Variants in PARD3 observed in about 807,000 individuals in gnomAD.
PARD3 encodes the protein par-3 family cell polarity regulator, also known as partitioning defective 3 homolog.
In PARD3, 75 loss-of-function variants were observed where a neutral mutation model predicts 155.4. The ratio of observed to expected loss-of-function variants is 0.48; its 90% confidence interval spans 0.40 to 0.58. The LOEUF (loss-of-function observed/expected upper bound fraction) is 0.58. PARD3 is among the 20% of genes least tolerant of loss of function. The pLI is 0.00. For synonymous variants in PARD3, 576 were observed against 610.5 expected (o/e 0.94, Z 0.83); for missense variants, 1,642 against 1,721.7 (o/e 0.95, Z 0.82).
intron 2 of PARD3, among the ~76,000 whole-genome samples, chr10:34,593,263 T>C (rs929811611): frequency 1.3e-5 from 2 of 152,160 alleles, no homozygotes; most frequent in African/African-American, 4.8e-5. Flanking sequence ...AAATAAAACA[T>C]TAGAACTAAA....
At chr10:34,272,563 C>T (rs2133870318) in intron 21 of PARD3, among the ~76,000 whole-genome samples, 1 of 152,192 alleles carries the variant, frequency 6.6e-6, no homozygotes. Flanking sequence ...AACCCTGTCT[C>T]TACAAAAAAT....
intron 22 of PARD3, among the ~76,000 whole-genome samples, chr10:34,250,157 A>AC (rs1564518616): frequency 6.7e-6 from 1 of 148,824 alleles, no homozygotes; most frequent in African/African-American, 2.6e-5. Context: ...CTCCCCCTCC[A>AC]CACACACACA....
intron 1 of PARD3, among the ~76,000 whole-genome samples, chr10:34,742,099 G>C (rs2095029411): frequency 6.6e-6 from 1 of 152,166 alleles, no homozygotes; most frequent in South Asian, 2.1e-4. Context: ...AACCTTGGGA[G>C]GATGAAAATT....
Position 34,726,291 on chromosome 10 carries a change from AAC to A in PARD3, c.121-29874_121-29873del, listed in dbSNP as rs567405871. ...ATGATGAAACTGTGTCTCTATTAAA[AAC>A]ACAAAAAATTAGCCGGGCACAGTGG... On this transcript the variant is annotated intron_variant, in intron 1 of 24. Transcript: ENST00000374788. Among the ~76,000 whole-genome samples, 1,128 of 152,302 alleles carry A rather than the reference AAC, an allele frequency of 7.4e-3. 9 individuals are homozygous for A. The highest frequency in any genetic ancestry group is 0.012 in the Non-Finnish European group (812 of 68,026).
intron 2 of PARD3, among the ~76,000 whole-genome samples, chr10:34,634,753 G>A (rs554230256): frequency 6.6e-6 from 1 of 152,282 alleles, no homozygotes. Context: ...AATGTATTAC[G>A]GGCAGAATGA....
intron 4 of PARD3, among the ~76,000 whole-genome samples, chr10:34,466,113 T>TA: frequency 6.6e-6 from 1 of 152,222 alleles, no homozygotes; most frequent in Non-Finnish European, 1.5e-5. Flanking sequence ...TTGGAAAAGG[T>TA]AGTCAGCCAC....
At chr10:34,639,557 T>C (rs2092601130) in intron 2 of PARD3, among the ~76,000 whole-genome samples, 1 of 152,048 alleles carries the variant, frequency 6.6e-6, no homozygotes, top group East Asian at 1.9e-4. Flanking sequence ...TCTTATTAAA[T>C]TACAAAACAC....
At chr10:34,155,049 AGAG>A (rs1292078303) in intron 22 of PARD3, among the ~76,000 whole-genome samples, 1 of 152,216 alleles carries the variant, frequency 6.6e-6, no homozygotes, top group African/African-American at 2.4e-5. Context: ...GGGGAAAATA[AGAG>A]GAGGGAGTGA....
At chr10:34,621,598 T>C (rs1044932503) in intron 2 of PARD3, among the ~76,000 whole-genome samples, 4 of 152,168 alleles carry the variant, frequency 2.6e-5, no homozygotes, top group Non-Finnish European at 5.9e-5. Flanking sequence ...CCCCACAGTT[T>C]ACTGCACAAA....
chr10:34,815,045 G>A lies in PARD3; in HGVS notation c.-50C>T, dbSNP rs1367807386. 7.7e-7 allele frequency: 1 copy of A among 1,302,494 alleles called. No individual in the cohort carries two copies. Among genetic ancestry groups the A allele is most frequent in the Non-Finnish European group, 9.8e-7 (1 of 1,017,652 alleles). The allele number at this position is 1,302,494 out of a possible 1,614,324, so 80.7% of individuals were successfully genotyped here. On this transcript the variant is annotated 5_prime_UTR_variant, in exon 1 of 25. Transcript: ENST00000374788. ...GCGCCCCTCGCCGAGCGCAGCCGGA[G>A]CAGCCGAGGCCGGGACCGAGGACGC...
At chr10:34,297,397 A>C (rs1956957320) in intron 20 of PARD3, among the ~76,000 whole-genome samples, 2 of 152,232 alleles carry the variant, frequency 1.3e-5, no homozygotes, top group Non-Finnish European at 2.9e-5. Flanking sequence ...ATTAAATTAT[A>C]ATAAAACTAC....
At chr10:34,221,363 CTT>C (rs1952277554) in intron 22 of PARD3, among the ~76,000 whole-genome samples, 2 of 141,266 alleles carry the variant, frequency 1.4e-5, no homozygotes, top group Non-Finnish European at 3.1e-5. Context: ...GGAGGCCACT[CTT>C]TTCCATTCAA....
At chr10:34,610,207 G>A (rs1020435140) in intron 2 of PARD3, among the ~76,000 whole-genome samples, 1 of 152,136 alleles carries the variant, frequency 6.6e-6, no homozygotes, top group Non-Finnish European at 1.5e-5. Flanking sequence ...CAAGAAGGAT[G>A]AGAGTCATTA....
At chr10:34,794,039 T>C (rs1185365638) in intron 1 of PARD3, among the ~76,000 whole-genome samples, 4 of 151,892 alleles carry the variant, frequency 2.6e-5, no homozygotes, top group Non-Finnish European at 4.4e-5. Context: ...ACTCAACATA[T>C]GGTTGAATTA....
intron 16 of PARD3, among the ~76,000 whole-genome samples, chr10:34,339,721 G>A (rs2002773): frequency 0.54 from 82,532 of 151,970 alleles, 23,496 homozygotes; most frequent in African/African-American, 0.72. Flanking sequence ...TGAACTACAT[G>A]TACAATTTAA....
intron 1 of PARD3, among the ~76,000 whole-genome samples, chr10:34,745,822 C>A (rs1400823848): frequency 6.6e-6 from 1 of 151,934 alleles, no homozygotes; most frequent in Admixed American, 6.6e-5. Context: ...AAGAAACGGC[C>A]AGGCGCGGTG....
intron 2 of PARD3, among the ~76,000 whole-genome samples, chr10:34,565,628 T>C (rs1301883469): frequency 3.3e-5 from 5 of 152,172 alleles, no homozygotes; most frequent in African/African-American, 7.2e-5. Context: ...TTCCTGGTTC[T>C]TAAAATCCTC....
At position 34,374,927 on chromosome 10, in the gene PARD3, T is replaced by A. The variant is rs757414749; in HGVS notation, c.1615A>T (p.Thr539Ser). The A allele has an allele frequency of 1.2e-6, 2 of 1,613,718 alleles. No individual in the cohort carries two copies. The highest frequency in any genetic ancestry group is 1.7e-6 in the Non-Finnish European group (2 of 1,179,780). The change falls in exon 11 of 25, where the codon ACT (threonine) becomes TCT (serine). Residue 539 changes from threonine (T) to serine (S), a missense_variant. Transcript: ENST00000374788. ...SLLRSTKMEG[T>S]VSLLVFRQED... Reference sequence around the variant, plus strand: ...TGGCGAAAGACCAGAAGGCTCACAGTTCCTTCCATCTTGGTGCTTCTCAAC... The same window carrying A: ...TGGCGAAAGACCAGAAGGCTCACAGATCCTTCCATCTTGGTGCTTCTCAAC...
At chr10:34,269,158 G>A (rs1955490088) in intron 22 of PARD3, among the ~76,000 whole-genome samples, 1 of 152,058 alleles carries the variant, frequency 6.6e-6, no homozygotes, top group Non-Finnish European at 1.5e-5. Context: ...GTGGTCTGTG[G>A]CTGTTAATAA....
Sources: gnomAD v4.1 joint callset for allele counts (sites outside exome capture counted in the v4.1 genomes callset) on GRCh38, gnomAD v4.1.1 for gene constraint, MANE v1.5 for transcripts, NCBI Gene and HGNC (gene_info 2026-07-23, HGNC 2026-07-21) for gene names.